The following PCDHA1 variants were observed in gnomAD, a reference collection of about 807,000 sequenced individuals.
PCDHA1 encodes protocadherin alpha-1.
Under a neutral mutation model 61.3 loss-of-function variants are expected in PCDHA1, and 42 were observed. The observed-to-expected ratio is 0.69, with a 90% confidence interval of 0.54 to 0.89. The LOEUF (loss-of-function observed/expected upper bound fraction) is 0.89, where lower values mean the gene tolerates loss of function less well. PCDHA1 is among the 40% of genes least tolerant of loss of function. PCDHA1 has a pLI of 0.00. For missense variants in PCDHA1, 1,256 were observed against 1,235.3 expected (o/e 1.02, Z -0.25); for synonymous variants, 610 against 553.8 (o/e 1.10, Z -1.43).
intron 1 of PCDHA1, chr5:140,882,816 A>G (rs2059323174): frequency 1.9e-6 from 3 of 1,614,266 alleles, no homozygotes; most frequent in Non-Finnish European, 1.7e-6. Flanking sequence ...TTGGACGCAC[A>G]AAACAGTCTT....
intron 1 of PCDHA1, chr5:140,870,409 G>A (rs2051982376): frequency 1.9e-6 from 3 of 1,614,226 alleles, no homozygotes; most frequent in African/African-American, 1.3e-5. Context: ...TTCTCTGTGG[G>A]CCACGGCCAG....
intron 3 of PCDHA1, among the ~76,000 whole-genome samples, chr5:141,003,540 T>C (rs2098129225): frequency 6.6e-6 from 1 of 152,188 alleles, no homozygotes; most frequent in Non-Finnish European, 1.5e-5. Flanking sequence ...CTTGAACTCC[T>C]GGCTTCAAGT....
At chr5:140,916,550 A>G (rs1355799677) in intron 1 of PCDHA1, among the ~76,000 whole-genome samples, 5 of 152,052 alleles carry the variant, frequency 3.3e-5, no homozygotes, top group Admixed American at 1.3e-4. Flanking sequence ...TGGGTTTTCT[A>G]TTTGTCCAGG....
intron 1 of PCDHA1, chr5:140,822,888 C>G: frequency 6.2e-7 from 1 of 1,614,234 alleles, no homozygotes; most frequent in Non-Finnish European, 8.5e-7. Context: ...TTGCTCTGAT[C>G]AGCGTGTCTG....
chr5:140,870,443 T>G (rs1207012137), intron 1 of PCDHA1: 1 of 1,614,094 alleles, frequency 6.2e-7, no homozygotes, highest in Non-Finnish European at 8.5e-7. Flanking sequence ...GTGGCCGACG[T>G]GAACGACAAT....
intron 1 of PCDHA1, among the ~76,000 whole-genome samples, chr5:140,902,203 C>CTTT (rs148688132): frequency 4.8e-5 from 6 of 124,458 alleles, no homozygotes; most frequent in Non-Finnish European, 8.4e-5. Flanking sequence ...CTCTCTCTTT[C>CTTT]TTTTTTTTTT....
intron 1 of PCDHA1, chr5:140,867,317 CTAA>C (rs1554161223): frequency 6.6e-6 from 1 of 151,956 alleles, no homozygotes; most frequent in African/African-American, 2.4e-5. Flanking sequence ...GTCATCTGGT[CTAA>C]TGTTATGTTT....
At chr5:140,856,240 G>A in intron 1 of PCDHA1, 1 of 1,598,050 alleles carries the variant, frequency 6.3e-7, no homozygotes, top group Non-Finnish European at 8.6e-7. Flanking sequence ...GCCTGTTCCG[G>A]GTGGCGTCCA....
At position 140,859,256 on chromosome 5, in the gene PCDHA1, G is replaced by T. The variant is rs182882850; in HGVS notation, c.2394+70572G>T. ...TCATGCTTATGTTTAATAATGAAGA[G>T]AATTTGAACACTTTTTACTTTTGAG... is the stretch of plus-strand genomic sequence containing the variant. On this transcript the variant is annotated intron_variant, in intron 1 of 3. Coordinates refer to ENST00000504120, the MANE Select transcript of PCDHA1 (RefSeq NM_018900.4). The T allele has an allele frequency of 2.0e-4, 26 of 131,456 alleles. 1 individual carries two copies. The East Asian group carries it at 5.2e-3, about 26-fold the overall frequency. The allele number at this position is 131,456 out of a possible 1,614,324, so 8.1% of individuals were successfully genotyped here.
chr5:140,902,185 T>TTCTC (rs370111655), intron 1 of PCDHA1, among the ~76,000 whole-genome samples: 1 of 150,794 alleles, frequency 6.6e-6, no homozygotes, highest in African/African-American at 2.4e-5. Context: ...CCTTTATGTC[T>TTCTC]TCTCTCTCTC....
At chr5:140,848,649 C>T in intron 1 of PCDHA1, 3 of 1,593,016 alleles carry the variant, frequency 1.9e-6, no homozygotes, top group Admixed American at 1.7e-5. Context: ...CGCGCAGGAC[C>T]TGGGGCTGGA....
intron 1 of PCDHA1, among the ~76,000 whole-genome samples, chr5:140,931,054 G>A (rs2087273007): frequency 6.6e-6 from 1 of 152,180 alleles, no homozygotes; most frequent in Admixed American, 6.5e-5. Context: ...CTTCAATGCT[G>A]TGTCTGGGAC....
chr5:140,967,831 C>T (rs2153762943), intron 1 of PCDHA1: 1 of 1,614,130 alleles, frequency 6.2e-7, no homozygotes, highest in Admixed American at 1.7e-5. Flanking sequence ...TGGTGGACAT[C>T]GTGGACGTGA....
chr5:140,851,798 T>C lies in PCDHA1; in HGVS notation c.2394+63114T>C. On this transcript the variant is annotated intron_variant, in intron 1 of 3. Coordinates refer to ENST00000504120, the MANE Select transcript of PCDHA1 (RefSeq NM_018900.4). ...TTTAGATGAGAATTCACTTGTTCTGTCAGTAATCCATAAGACAGAAATCTG... is the reference window on the plus strand; with the variant it reads ...TTTAGATGAGAATTCACTTGTTCTGCCAGTAATCCATAAGACAGAAATCTG... 3 of 953,066 alleles carry C rather than the reference T, an allele frequency of 3.1e-6. No individual in the cohort carries two copies. The South Asian group carries it at 1.5e-4, about 46-fold the overall frequency. 59.0% of individuals were successfully genotyped at this position (953,066 alleles called of 1,614,324 possible). A position where few individuals can be genotyped will look rare whatever the true frequency, so the allele number is the denominator to read the frequency against.
chr5:140,804,634 C>T (rs1380367242), intron 1 of PCDHA1: 3 of 153,708 alleles, frequency 2.0e-5, no homozygotes, highest in African/African-American at 7.2e-5. Flanking sequence ...CTCTGAATAG[C>T]ATCCTGCCTA....
At chr5:140,801,076 C>T in intron 1 of PCDHA1, 1 of 1,475,572 alleles carries the variant, frequency 6.8e-7, no homozygotes, top group Non-Finnish European at 8.9e-7. Flanking sequence ...TCAGATACTG[C>T]TTTGCTTCAT....
Position 140,829,283 on chromosome 5 carries a change from G to C in PCDHA1, c.2394+40599G>C. On this transcript the variant is annotated intron_variant, in intron 1 of 3. Transcript: ENST00000504120. ...GACGCCTCACGTCCCTTTCAAGCTG[G>C]TGTCCACCTTCAAGAATTACTACTC... The C allele has an allele frequency of 6.2e-7, 1 of 1,614,260 alleles. No homozygotes were observed.
chr5:140,900,496 C>G (rs1476220010), intron 1 of PCDHA1, among the ~76,000 whole-genome samples: 2 of 152,212 alleles, frequency 1.3e-5, no homozygotes, highest in Admixed American at 6.5e-5. Flanking sequence ...AGACTGGTCT[C>G]AAATTCCCAG....
chr5:140,910,546 A>G (rs2075078968), intron 1 of PCDHA1, among the ~76,000 whole-genome samples: 1 of 152,198 alleles, frequency 6.6e-6, no homozygotes, highest in Non-Finnish European at 1.5e-5. Context: ...CTATTTTGCA[A>G]AGTATTAGTC....
Sources: gnomAD v4.1 joint callset for allele counts (sites outside exome capture counted in the v4.1 genomes callset) on GRCh38, gnomAD v4.1.1 for gene constraint, MANE v1.5 for transcripts, NCBI Gene and HGNC (gene_info 2026-07-23, HGNC 2026-07-21) for gene names.